GRID1: variants seen among roughly 807,000 people sequenced by gnomAD.
GRID1 encodes the protein glutamate ionotropic receptor delta type subunit 1.
Under a neutral mutation model 98.0 loss-of-function variants are expected in GRID1, and 28 were observed. The ratio of observed to expected loss-of-function variants is 0.29; its 90% CI spans 0.21 to 0.39. The LOEUF (loss-of-function observed/expected upper bound fraction) is 0.39, where lower values mean the gene tolerates loss of function less well. Among genes scored for constraint, GRID1 ranks in the 10% least tolerant of loss-of-function variants. GRID1 has a pLI of 1.00. For synonymous variants in GRID1, 553 were observed against 538.5 expected (o/e 1.03, Z -0.37); for missense variants, 1,111 against 1,340.5 (o/e 0.83, Z 2.67).
At chr10:86,124,914 G>C (rs1045992131) in intron 4 of GRID1, among the ~76,000 whole-genome samples, 3 of 152,198 alleles carry the variant, frequency 2.0e-5, no homozygotes, top group African/African-American at 4.8e-5. Flanking sequence ...GAACTGGGCA[G>C]TTCCCTCCGG....
intron 5 of GRID1, among the ~76,000 whole-genome samples, chr10:85,883,772 A>G (rs1200077221): frequency 6.6e-6 from 1 of 152,172 alleles, no homozygotes; most frequent in Non-Finnish European, 1.5e-5. Context: ...TTTTAAAGAC[A>G]CCGTAAATAG....
At chr10:86,336,647 A>G (rs1848225707) in intron 2 of GRID1, among the ~76,000 whole-genome samples, 1 of 152,172 alleles carries the variant, frequency 6.6e-6, no homozygotes, top group Non-Finnish European at 1.5e-5. Context: ...GCTGGTTTTC[A>G]TATCAGGTAC....
chr10:85,651,069 G>C (rs1278594677), intron 12 of GRID1, among the ~76,000 whole-genome samples: 1 of 152,196 alleles, frequency 6.6e-6, no homozygotes, highest in Non-Finnish European at 1.5e-5. Flanking sequence ...AGCAGTCTAT[G>C]TTTCCACAAC....
intron 4 of GRID1, among the ~76,000 whole-genome samples, chr10:86,017,272 C>A (rs974521722): frequency 6.6e-6 from 1 of 152,196 alleles, no homozygotes; most frequent in African/African-American, 2.4e-5. Context: ...TATCAAGAGA[C>A]ATGTATAACC....
At chr10:86,062,170 G>A (rs1004365581) in intron 4 of GRID1, among the ~76,000 whole-genome samples, 2 of 152,162 alleles carry the variant, frequency 1.3e-5, no homozygotes, top group East Asian at 1.9e-4. Context: ...TCTTACCCCC[G>A]GCACCTACCT....
intron 4 of GRID1, among the ~76,000 whole-genome samples, chr10:86,016,063 C>T (rs572079180): frequency 6.6e-6 from 1 of 151,858 alleles, no homozygotes; most frequent in South Asian, 2.1e-4. Context: ...AGACAGTTAT[C>T]CAGGGACCAA....
intron 2 of GRID1, among the ~76,000 whole-genome samples, chr10:86,228,518 C>T (rs1330776416): frequency 2.6e-5 from 4 of 152,288 alleles, no homozygotes; most frequent in Admixed American, 2.0e-4. Flanking sequence ...AATCAACACC[C>T]ACCTGGCCCT....
At chr10:85,996,869 A>C (rs2131871984) in intron 4 of GRID1, among the ~76,000 whole-genome samples, 1 of 151,818 alleles carries the variant, frequency 6.6e-6, no homozygotes, top group South Asian at 2.1e-4. Context: ...AAGAAAAGGA[A>C]AAAACTGAGA....
At chr10:85,699,850 G>C (rs1248089486) in intron 12 of GRID1, among the ~76,000 whole-genome samples, 1 of 152,130 alleles carries the variant, frequency 6.6e-6, no homozygotes, top group East Asian at 1.9e-4. Context: ...TCTGTTCAAA[G>C]TATTCGCTTA....
intron 4 of GRID1, among the ~76,000 whole-genome samples, chr10:86,056,951 C>A (rs1228052124): frequency 6.6e-6 from 1 of 152,178 alleles, no homozygotes; most frequent in Non-Finnish European, 1.5e-5. Flanking sequence ...GCAGAGCTGG[C>A]GAACTGCCCC....
intron 4 of GRID1, among the ~76,000 whole-genome samples, chr10:86,105,950 G>A (rs892261608): frequency 1.3e-5 from 2 of 152,200 alleles, no homozygotes; most frequent in Non-Finnish European, 2.9e-5. Flanking sequence ...GATGGGGGCT[G>A]CTTCAGGGAG....
intron 2 of GRID1, among the ~76,000 whole-genome samples, chr10:86,355,439 G>A (rs1297891584): frequency 1.3e-5 from 2 of 152,236 alleles, no homozygotes; most frequent in South Asian, 4.1e-4. Flanking sequence ...GAAAGATGGG[G>A]CCATCAGGGC....
At chr10:85,812,951 G>C (rs1016783617) in intron 8 of GRID1, among the ~76,000 whole-genome samples, 1 of 151,780 alleles carries the variant, frequency 6.6e-6, no homozygotes, top group African/African-American at 2.4e-5. Context: ...TGGTGGTAAT[G>C]GCAGCATTGG....
intron 2 of GRID1, among the ~76,000 whole-genome samples, chr10:86,282,226 G>C (rs11201962): frequency 0.062 from 9,494 of 152,248 alleles, 516 homozygotes; most frequent in African/African-American, 0.15. Flanking sequence ...GTGCCCTCCT[G>C]CTCCCATCCC....
chr10:85,876,764 G>A (rs890610330), intron 5 of GRID1, among the ~76,000 whole-genome samples: 2 of 152,224 alleles, frequency 1.3e-5, no homozygotes, highest in Non-Finnish European at 2.9e-5. Flanking sequence ...GTGCAGGACA[G>A]TGGATGCAGC....
chr10:85,724,792 G>A, intron 10 of GRID1, 116 bp from the exon 11 acceptor site: 1 of 712,516 alleles, frequency 1.4e-6, no homozygotes, highest in Non-Finnish European at 2.3e-6. Flanking sequence ...GAATGGATTT[G>A]AGAGCTGGCA....
At chr10:85,623,909 G>T (rs1180603198) in intron 13 of GRID1, among the ~76,000 whole-genome samples, 4 of 152,200 alleles carry the variant, frequency 2.6e-5, no homozygotes, top group Non-Finnish European at 5.9e-5. Context: ...TTTCAACCTT[G>T]TGCTGTGGTC....
chr10:85,790,329 A>C (rs1842467047), intron 8 of GRID1, among the ~76,000 whole-genome samples: 1 of 152,218 alleles, frequency 6.6e-6, no homozygotes. Context: ...AGAGGCTGCC[A>C]AGCCCCAGCA....
At chr10:85,913,815 A>G (rs1841573643) in intron 5 of GRID1, among the ~76,000 whole-genome samples, 1 of 152,186 alleles carries the variant, frequency 6.6e-6, no homozygotes, top group South Asian at 2.1e-4. Flanking sequence ...AAAGATAAAA[A>G]AAGAAATATT....
Sources: gnomAD v4.1 joint callset for allele counts (sites outside exome capture counted in the v4.1 genomes callset) on GRCh38, gnomAD v4.1.1 for gene constraint, MANE v1.5 for transcripts, NCBI Gene and HGNC (gene_info 2026-07-23, HGNC 2026-07-21) for gene names.